SCYGR8: variants seen among roughly 807,000 people sequenced by gnomAD.
The protein encoded by SCYGR8 is small cysteine and glycine repeat containing 8.
rs562621403 is a variant in SCYGR8 at position 227,745,953 on chromosome 2, T to A, written c.60T>A (p.Cys20Ter). The change falls in exon 1 of 1, where the codon TGT (cysteine) becomes TGA (stop). Residue 20 changes from cysteine (C) to a stop codon, truncating the protein, a stop_gained. Coordinates refer to ENST00000641981, the Ensembl canonical transcript of SCYGR8. LOFTEE classifies it low-confidence loss of function (END_TRUNC). The stretch of plus-strand genomic sequence containing the variant: ...GCTGTGGTGGCTGCAGTGGTGGCTG[T>A]GGTGGTGGCTGCGGTGGTGGCTGCG... The A allele has an allele frequency of 1.3e-5, 5 of 381,922 alleles. No individual in the cohort carries two copies. The highest frequency in any genetic ancestry group is 2.3e-5 in the Non-Finnish European group (5 of 219,800). The allele number at this position is 381,922 out of a possible 1,614,324, so 23.7% of individuals were successfully genotyped here. A position where few individuals can be genotyped will look rare whatever the true frequency, so the allele number is the denominator to read the frequency against.
At chr2:227,746,121 C>T (rs34644492) in exon 1 of SCYGR8, 216,102 of 398,470 alleles carry the variant, frequency 0.54, 61,673 homozygotes, top group East Asian at 0.83. Flanking sequence ...GCTGCCGCCG[C>T]ACCTGCAGCT....
exon 1 of SCYGR8, chr2:227,746,148 T>C (rs1355020939): frequency 5.0e-6 from 2 of 398,846 alleles, no homozygotes; most frequent in African/African-American, 2.1e-5. Context: ...GCTGTGGCTA[T>C]GGGAAGGGCT....
exon 1 of SCYGR8, chr2:227,745,924 G>A: frequency 2.4e-6 from 1 of 413,082 alleles, no homozygotes; most frequent in Non-Finnish European, 4.2e-6. Context: ...TGGCTGCGGT[G>A]GTGGCTGTGG....
exon 1 of SCYGR8, chr2:227,746,033 G>A (rs1412214774): frequency 1.0e-5 from 4 of 399,340 alleles, no homozygotes; most frequent in Non-Finnish European, 1.8e-5. Context: ...AGGTGCTACC[G>A]GGTGGGCTGC....
chr2:227,746,208 A>T, exon 1 of SCYGR8: 1 of 398,818 alleles, frequency 2.5e-6, no homozygotes, highest in Non-Finnish European at 4.4e-6. Context: ...GCCAGAAGCA[A>T]TGCTGCTGCT....
At chr2:227,746,133 G>A (rs755440011) in exon 1 of SCYGR8, 16 of 398,880 alleles carry the variant, frequency 4.0e-5, no homozygotes, top group Non-Finnish European at 6.2e-5. Context: ...CCTGCAGCTC[G>A]TGTGGCTGTG....
At chr2:227,746,069 G>A (rs142022077) in exon 1 of SCYGR8, 15 of 399,264 alleles carry the variant, frequency 3.8e-5, no homozygotes, top group Middle Eastern at 6.3e-4. Flanking sequence ...CCCTGCTGCC[G>A]TGGCTGCTGT....
At chr2:227,746,005 G>A (rs1271073265) in exon 1 of SCYGR8, 2 of 398,948 alleles carry the variant, frequency 5.0e-6, no homozygotes, top group Non-Finnish European at 8.8e-6. Context: ...TGGTGGCTGT[G>A]GCAGCTGCAC....
At chr2:227,746,128 A>C (rs751878197) in exon 1 of SCYGR8, 2 of 398,766 alleles carry the variant, frequency 5.0e-6, no homozygotes, top group Non-Finnish European at 8.8e-6. Context: ...CCGCACCTGC[A>C]GCTCGTGTGG....
exon 1 of SCYGR8, chr2:227,745,920 C>T (rs568119666): frequency 2.4e-5 from 10 of 413,032 alleles, no homozygotes; most frequent in Middle Eastern, 1.2e-3. Flanking sequence ...GTGGTGGCTG[C>T]GGTGGTGGCT....
chr2:227,746,116 C>T (rs949067727), exon 1 of SCYGR8: 9 of 398,724 alleles, frequency 2.3e-5, no homozygotes, highest in African/African-American at 4.1e-5. Context: ...CTGCTGCTGC[C>T]GCCGCACCTG....
At chr2:227,745,952 G>C (rs1458866520) in exon 1 of SCYGR8, 1 of 385,858 alleles carries the variant, frequency 2.6e-6, no homozygotes, top group Non-Finnish European at 4.5e-6. Context: ...AGTGGTGGCT[G>C]TGGTGGTGGC....
exon 1 of SCYGR8, chr2:227,746,101 G>A (rs1018192791): frequency 2.3e-5 from 9 of 398,910 alleles, no homozygotes; most frequent in South Asian, 2.5e-4. Context: ...CAGCACTCCC[G>A]TGATCTGCTG....
chr2:227,745,920 CGGT>C (rs1696822498), exon 1 of SCYGR8: 1 of 412,916 alleles, frequency 2.4e-6, no homozygotes. Flanking sequence ...GTGGTGGCTG[CGGT>C]GGTGGCTGTG....
At chr2:227,746,152 A>C (rs1340540836) in exon 1 of SCYGR8, 8 of 398,830 alleles carry the variant, frequency 2.0e-5, no homozygotes, top group Non-Finnish European at 3.1e-5. Context: ...TGGCTATGGG[A>C]AGGGCTGTTG....
exon 1 of SCYGR8, chr2:227,746,184 G>GCGGAAGTGCTGCTGC: frequency 5.0e-6 from 2 of 399,072 alleles, no homozygotes; most frequent in Non-Finnish European, 8.8e-6. Flanking sequence ...GATGCTGTCA[G>GCGGAAGTGCTGCTGC]CAGAAGTGCT....
exon 1 of SCYGR8, chr2:227,746,048 C>T (rs1696826087): frequency 2.5e-6 from 1 of 398,936 alleles, no homozygotes. Flanking sequence ...GGCTGCTGCT[C>T]CAGCTGCTGC....
exon 1 of SCYGR8, chr2:227,745,936 G>GGCC (rs1696822893): frequency 2.4e-6 from 1 of 412,242 alleles, no homozygotes. Context: ...TGGCTGTGGT[G>GGCC]GCTGCAGTGG....
chr2:227,746,005 G>T lies in SCYGR8; in HGVS notation c.112G>T (p.Gly38Cys), dbSNP rs1271073265. ...CGGTGGTGGCTGCGGTGGTGGCTGT[G>T]GCAGCTGCACCACCTGCAGGTGCTA... Residue 38 changes from glycine to cysteine, a missense_variant, in exon 1 of 1, where the codon GGC (glycine) becomes TGC (cysteine). By Grantham distance (159) the Gly-to-Cys change is radical. Transcript: ENST00000641981. 1.8e-5 allele frequency: 7 copies of T among 399,066 alleles called. 1 individual carries two copies. The East Asian group carries it at 2.1e-4, about 12-fold the overall frequency. 24.7% of individuals were successfully genotyped at this position (399,066 alleles called of 1,614,324 possible).
Sources: allele counts gnomAD v4.1 joint callset, GRCh38; gene constraint gnomAD v4.1.1; transcripts MANE v1.5; gene names NCBI Gene and HGNC (gene_info 2026-07-23, HGNC 2026-07-21).